Variants in KDM2B observed in about 807,000 individuals in gnomAD.
KDM2B encodes the protein lysine-specific demethylase 2B.
KDM2B carries 26 observed loss-of-function variants against 150.0 expected under a neutral mutation model. The observed-to-expected ratio is 0.17, with a 90% CI of 0.13 to 0.24. The LOEUF is 0.24. KDM2B is among the 10% of genes least tolerant of loss of function. KDM2B has a pLI of 1.00. For synonymous variants in KDM2B, 734 were observed against 729.5 expected (o/e 1.01, Z -0.10); for missense variants, 1,265 against 1,816.9 (o/e 0.70, Z 5.52).
intron 12 of KDM2B, among the ~76,000 whole-genome samples, chr12:121,480,583 CAAAAAAAAAA>C (rs35490517): frequency 0.07 from 4,419 of 63,576 alleles, 285 homozygotes; most frequent in African/African-American, 0.2. Context: ...CTGTCGCTAC[CAAAAAAAAAA>C]AAAAAAAAAA....
intron 11 of KDM2B, among the ~76,000 whole-genome samples, chr12:121,498,966 C>T (rs1397977304): frequency 3.3e-5 from 5 of 152,010 alleles, no homozygotes; most frequent in South Asian, 2.1e-4. Context: ...TGCACCACCA[C>T]GACCGACTAA....
chr12:121,511,753 C>T (rs1885612121), intron 10 of KDM2B, among the ~76,000 whole-genome samples: 1 of 152,180 alleles, frequency 6.6e-6, no homozygotes, highest in African/African-American at 2.4e-5. Flanking sequence ...GAACTATATC[C>T]TAATAGGGCT....
chr12:121,433,191 CCCTT>C, intron 22 of KDM2B: 1 of 456,772 alleles, frequency 2.2e-6, no homozygotes, highest in Non-Finnish European at 4.4e-6. Context: ...AGCCCAAAGA[CCCTT>C]CCAACAAAGA....
Position 121,453,004 on chromosome 12 carries a change from C to T in KDM2B, c.1959+116G>A. On this transcript the variant is annotated intron_variant, in intron 13 of 22. Transcript: ENST00000377071. This position sits in a 1 kb window ranked among gnomAD's most constrained non-coding sequence, Gnocchi z 6.4. ...CCACAGGAAGAGCTCTCGGGGAGTC[C>T]ACAGCCCCGGCTTCTCTGTGTGCGG... 2 of 977,334 alleles carry T rather than the reference C, an allele frequency of 2.0e-6. No individual in the cohort carries two copies. The highest frequency in any genetic ancestry group is 2.9e-6 in the Non-Finnish European group (2 of 682,994). 60.5% of individuals were successfully genotyped at this position (977,334 alleles called of 1,614,324 possible). A position where few individuals can be genotyped will look rare whatever the true frequency, so the allele number is the denominator to read the frequency against.
Position 121,433,116 on chromosome 12 carries a change from G to A in KDM2B, c.3830-2647C>T, listed in dbSNP as rs1873337046. On this transcript the variant is annotated intron_variant, in intron 22 of 22. Coordinates refer to ENST00000377071, the MANE Select transcript of KDM2B (RefSeq NM_032590.5). ...TTGGGTACTAATTTGGGCCCTCTTT[G>A]GAGGCTCATTCATGCCCAGCCAGCA... The A allele has an allele frequency of 6.6e-6, 3 of 456,302 alleles. No homozygotes were observed. The Admixed American group carries it at 7.1e-5, about 11-fold the overall frequency. The allele number at this position is 456,302 out of a possible 1,614,324, so 28.3% of individuals were successfully genotyped here. A position where few individuals can be genotyped will look rare whatever the true frequency, so the allele number is the denominator to read the frequency against.
chr12:121,509,543 GC>G (rs1472974817), intron 11 of KDM2B, 23 bp downstream of exon 11: 1 of 1,605,532 alleles, frequency 6.2e-7, no homozygotes, highest in Non-Finnish European at 8.5e-7. Flanking sequence ...CGGCCGCCCA[GC>G]CCCAGACGCC....
At chr12:121,553,496 C>T (rs1889671727) in intron 4 of KDM2B, among the ~76,000 whole-genome samples, 1 of 152,154 alleles carries the variant, frequency 6.6e-6, no homozygotes, top group Non-Finnish European at 1.5e-5. Flanking sequence ...CGGTTCCCAG[C>T]GGAGCCTCCA....
At chr12:121,554,427 A>G (rs1889750131) in intron 4 of KDM2B, among the ~76,000 whole-genome samples, 1 of 151,358 alleles carries the variant, frequency 6.6e-6, no homozygotes, top group African/African-American at 2.4e-5. Context: ...TTTTTGAGAC[A>G]AAGTCTCTCT....
In KDM2B at chr12:121,485,421, A is replaced by G. The variant is rs1300406127; in HGVS notation, c.1734+9158T>C. The stretch of plus-strand genomic sequence containing the variant: ...TGACACCTCCCCTCAAACCAGCAGT[A>G]GAAGCATCCGATTGTCCTATCAGTG... On this transcript the variant is annotated intron_variant, in intron 12 of 22. Coordinates refer to ENST00000377071, the MANE Select transcript of KDM2B (RefSeq NM_032590.5). Among the ~76,000 whole-genome samples, 3 of 152,156 alleles carry G rather than the reference A, an allele frequency of 2.0e-5. No individual in the cohort carries two copies. The East Asian group carries it at 5.8e-4, about 29-fold the overall frequency.
intron 4 of KDM2B, among the ~76,000 whole-genome samples, chr12:121,559,147 C>T (rs1269254937): frequency 3.9e-5 from 6 of 152,178 alleles, no homozygotes; most frequent in Non-Finnish European, 7.3e-5. Context: ...CTGCCTCAGA[C>T]CAGGGAAGGG....
chr12:121,453,260 G>A lies in KDM2B; in HGVS notation c.1819C>T (p.Arg607Trp), dbSNP rs1877642732. Residue 607 changes from arginine to tryptophan, a missense_variant, in exon 13 of 23, where the codon CGG (arginine) becomes TGG (tryptophan). Arg to Trp is a moderately radical substitution (Grantham distance 101). Around this residue, in one of 11 missense-constraint regions of KDM2B, gnomAD observed 69 missense variants for 85.7 expected, o/e 0.81. Transcript: ENST00000377071. This position sits in a 1 kb window ranked among gnomAD's most constrained non-coding sequence, Gnocchi z 6.4. Reference protein sequence around the residue: ...LAANRTTAGARRRRTRCRKCE... With the variant: ...LAANRTTAGAWRRRTRCRKCE... Reference sequence around the variant, plus strand: ...TTGCGGCATCGCGTCCGGCGCCGCCGAGCTCCTGCCGTTGTCCGGTTGGCG... The same window carrying A: ...TTGCGGCATCGCGTCCGGCGCCGCCAAGCTCCTGCCGTTGTCCGGTTGGCG... The A allele has an allele frequency of 6.2e-7, 1 of 1,607,360 alleles. No individual in the cohort carries two copies. Among genetic ancestry groups the A allele is most frequent in the Non-Finnish European group, 8.5e-7 (1 of 1,177,764 alleles).
At chr12:121,536,375 T>C (rs1388554153) in intron 6 of KDM2B, 1 of 152,406 alleles carries the variant, frequency 6.6e-6, no homozygotes, top group African/African-American at 2.4e-5. Flanking sequence ...GGGGTGTAGT[T>C]GACAGCACAG....
intron 12 of KDM2B, among the ~76,000 whole-genome samples, chr12:121,455,966 C>A (rs1555292625): frequency 1.3e-5 from 2 of 152,204 alleles, no homozygotes; most frequent in African/African-American, 4.8e-5. Flanking sequence ...AGGCAGGCAG[C>A]GCTAAGGACC....
At chr12:121,574,498 C>T in intron 4 of KDM2B, 49 bp downstream of exon 4, 1 of 1,590,600 alleles carries the variant, frequency 6.3e-7, no homozygotes, top group Non-Finnish European at 8.6e-7. Flanking sequence ...GCCTCTTTCC[C>T]CTTCCCTACT....
At chr12:121,439,819 G>T (rs368644451) in intron 22 of KDM2B, 38 bp downstream of exon 22, 1 of 1,473,866 alleles carries the variant, frequency 6.8e-7, no homozygotes, top group East Asian at 2.3e-5. Context: ...GTTCTCCCAC[G>T]GAGTGTTAGG....
intron 4 of KDM2B, chr12:121,574,271 T>C (rs546921617): frequency 5.5e-5 from 20 of 364,176 alleles, no homozygotes; most frequent in African/African-American, 1.3e-4. Context: ...AGAAGAGAGA[T>C]CTCAGATTGC....
At chr12:121,471,771 G>A (rs192784433) in intron 12 of KDM2B, among the ~76,000 whole-genome samples, 2 of 152,224 alleles carry the variant, frequency 1.3e-5, no homozygotes, top group East Asian at 3.9e-4. Context: ...GAAACAGAAT[G>A]GATCCTTTTA....
At chr12:121,563,475 C>T (rs1387049549) in intron 4 of KDM2B, among the ~76,000 whole-genome samples, 3 of 151,034 alleles carry the variant, frequency 2.0e-5, no homozygotes, top group South Asian at 2.1e-4. Flanking sequence ...GGCGTGGCGG[C>T]GGCTGCCCGT....
intron 12 of KDM2B, among the ~76,000 whole-genome samples, chr12:121,479,844 ACTC>A (rs765815841): frequency 1.3e-4 from 19 of 151,734 alleles, no homozygotes; most frequent in Non-Finnish European, 2.8e-4. Context: ...CTGGTCTTGA[ACTC>A]CTGACCTCAA....
Sources: gnomAD v4.1 joint callset for allele counts (sites outside exome capture counted in the v4.1 genomes callset) on GRCh38, gnomAD v4.1.1 for gene constraint, gnomAD v4.1.1 regional missense constraint, Gnocchi (gnomAD v3.1) non-coding constraint, MANE v1.5 for transcripts, NCBI Gene and HGNC (gene_info 2026-07-23, HGNC 2026-07-21) for gene names.